Variants in CHST9 observed in about 807,000 individuals in gnomAD.
The protein encoded by CHST9 is carbohydrate sulfotransferase 9, also known as GalNAc-4-sulfotransferase 2.
A neutral mutation model predicts 44.4 loss-of-function variants in CHST9; 41 were observed. That is an observed-to-expected ratio of 0.92 (90% CI 0.72 to 1.20). CHST9 has a LOEUF of 1.20. CHST9 is among the 50% of genes most tolerant of loss of function. CHST9 has a pLI of 0.00. For synonymous variants in CHST9, 171 were observed against 178.4 expected (o/e 0.96, Z 0.33); for missense variants, 504 against 516.5 (o/e 0.98, Z 0.23).
chr18:26,933,907 A>G (rs1157538318), intron 5 of CHST9, among the ~76,000 whole-genome samples: 1 of 152,180 alleles, frequency 6.6e-6, no homozygotes, highest in Admixed American at 6.5e-5. Context: ...ATAGATGTCC[A>G]AGGAAGATCT....
At chr18:26,925,109 G>GA (rs2055740086) in intron 5 of CHST9, among the ~76,000 whole-genome samples, 1 of 151,974 alleles carries the variant, frequency 6.6e-6, no homozygotes, top group Admixed American at 6.6e-5. Context: ...ATGAGATGGA[G>GA]AAAAAACTTG....
intron 1 of CHST9, among the ~76,000 whole-genome samples, chr18:27,148,434 T>A (rs1429411703): frequency 1.9e-5 from 2 of 107,002 alleles, no homozygotes; most frequent in Non-Finnish European, 3.5e-5. Context: ...CAGTCCCCCG[T>A]GTGTGATGTT....
intron 4 of CHST9, among the ~76,000 whole-genome samples, chr18:27,004,405 A>T (rs2056988951): frequency 6.6e-6 from 1 of 151,800 alleles, no homozygotes; most frequent in South Asian, 2.1e-4. Flanking sequence ...CAGTGGTAAA[A>T]GGCAGAGGCA....
At chr18:27,007,804 G>A (rs1425010501) in intron 4 of CHST9, among the ~76,000 whole-genome samples, 2 of 152,124 alleles carry the variant, frequency 1.3e-5, no homozygotes, top group Non-Finnish European at 2.9e-5. Flanking sequence ...AGCCAGACTG[G>A]GGTGAACATG....
intron 2 of CHST9, among the ~76,000 whole-genome samples, chr18:27,135,255 T>G (rs985773447): frequency 2.0e-5 from 3 of 152,190 alleles, no homozygotes; most frequent in Non-Finnish European, 2.9e-5. Flanking sequence ...GTGAACCGTT[T>G]CATATTGGGA....
intron 1 of CHST9, among the ~76,000 whole-genome samples, chr18:27,152,971 T>C (rs561087714): frequency 2.0e-5 from 3 of 152,108 alleles, no homozygotes; most frequent in Non-Finnish European, 4.4e-5. Context: ...AACTAAGAAG[T>C]GCTGAATAAA....
intron 2 of CHST9, among the ~76,000 whole-genome samples, chr18:27,100,024 TATATATATATACACACACAC>T (rs2058155643): frequency 6.6e-6 from 1 of 151,116 alleles, no homozygotes; most frequent in South Asian, 2.1e-4. Context: ...TATAATGATA[TATATATATATACACACACAC>T]ATATATATAC....
At chr18:26,971,096 G>A (rs2056536800) in intron 4 of CHST9, among the ~76,000 whole-genome samples, 1 of 152,128 alleles carries the variant, frequency 6.6e-6, no homozygotes, top group South Asian at 2.1e-4. Context: ...CTACTACACA[G>A]TGGAGCAGAT....
intron 4 of CHST9, among the ~76,000 whole-genome samples, chr18:26,998,148 C>A (rs983266159): frequency 6.6e-6 from 1 of 152,162 alleles, no homozygotes; most frequent in Non-Finnish European, 1.5e-5. Flanking sequence ...GCATGGAGCT[C>A]TTCCACACTC....
chr18:27,084,791 G>A (rs934514800), intron 2 of CHST9, among the ~76,000 whole-genome samples: 4 of 151,914 alleles, frequency 2.6e-5, no homozygotes, highest in African/African-American at 9.7e-5. Context: ...GGCTTTTACT[G>A]TTATAGATTT....
At chr18:27,107,525 A>T (rs1194570709) in intron 2 of CHST9, among the ~76,000 whole-genome samples, 1 of 152,244 alleles carries the variant, frequency 6.6e-6, no homozygotes, top group African/African-American at 2.4e-5. Context: ...ATGCTGAAAT[A>T]CTATTGCTGA....
intron 2 of CHST9, among the ~76,000 whole-genome samples, chr18:27,109,733 G>T (rs1216510440): frequency 6.6e-6 from 1 of 152,082 alleles, no homozygotes; most frequent in African/African-American, 2.4e-5. Context: ...TGTCTGACAG[G>T]GGCTCCTGGT....
chr18:27,058,927 T>C (rs2057689876), intron 2 of CHST9, among the ~76,000 whole-genome samples: 1 of 152,176 alleles, frequency 6.6e-6, no homozygotes, highest in Non-Finnish European at 1.5e-5. Context: ...AATGAGAATA[T>C]TTATTGACAT....
At position 27,075,402 on chromosome 18, in the gene CHST9, G is replaced by A. The variant is rs1007209004; in HGVS notation, c.122-26899C>T. Among the ~76,000 whole-genome samples the A allele has an allele frequency of 9.2e-5, 14 of 152,132 alleles. No homozygotes were observed. In the East Asian group the frequency reaches 2.3e-3, roughly 25 times the overall value. The stretch of plus-strand genomic sequence containing the variant: ...TGTTTTCAGATAGATACCAAAGAAG[G>A]AAAAATAAAACAAATTCTAGGCTGC... On this transcript the variant is annotated intron_variant, in intron 2 of 5. Coordinates refer to ENST00000618847, the MANE Select transcript of CHST9 (RefSeq NM_031422.6).
At chr18:27,086,599 G>A in intron 2 of CHST9, among the ~76,000 whole-genome samples, 1 of 152,202 alleles carries the variant, frequency 6.6e-6, no homozygotes, top group East Asian at 1.9e-4. Context: ...CTGCTTTTAA[G>A]TAGCAGAACT....
At chr18:27,123,070 G>A (rs1161231242) in intron 2 of CHST9, among the ~76,000 whole-genome samples, 1 of 152,152 alleles carries the variant, frequency 6.6e-6, no homozygotes, top group Non-Finnish European at 1.5e-5. Context: ...ATATATCAAT[G>A]AGGAAATAAC....
intron 2 of CHST9, among the ~76,000 whole-genome samples, chr18:27,129,478 C>A (rs2058454033): frequency 2.0e-5 from 3 of 151,974 alleles, no homozygotes; most frequent in Admixed American, 2.0e-4. Context: ...CTGCAACTGC[C>A]ACCTCCTGAG....
intron 2 of CHST9, among the ~76,000 whole-genome samples, chr18:27,112,928 G>A (rs984001828): frequency 3.9e-5 from 6 of 152,010 alleles, no homozygotes; most frequent in African/African-American, 7.2e-5. Context: ...GATGGCTCAC[G>A]CCTGTAATCC....
In CHST9 at chr18:27,137,149, G is replaced by T. The variant is rs189169357; in HGVS notation, c.121+5540C>A. 7.9e-5 allele frequency among the ~76,000 whole-genome samples: 12 copies of T among 151,766 alleles called. No individual in the cohort carries two copies. The East Asian group carries it at 2.1e-3, about 27-fold the overall frequency. On this transcript the variant is annotated intron_variant, in intron 2 of 5. Transcript: ENST00000618847. ...AATTAAGGAGTCAATTGCTGATTGT[G>T]ATAATTTTTCTGAAGAAAATGAATA...
Sources: gnomAD v4.1 joint callset for allele counts (sites outside exome capture counted in the v4.1 genomes callset) on GRCh38, gnomAD v4.1.1 for gene constraint, MANE v1.5 for transcripts, NCBI Gene and HGNC (gene_info 2026-07-23, HGNC 2026-07-21) for gene names.